Variants in STIM1 observed in about 807,000 individuals in gnomAD.
The protein encoded by STIM1 is stromal interaction molecule 1.
A neutral mutation model predicts 74.7 loss-of-function variants in STIM1; 25 were observed. The ratio of observed to expected loss-of-function variants is 0.33; its 90% CI spans 0.24 to 0.47. The LOEUF (loss-of-function observed/expected upper bound fraction) is 0.47, where lower values mean the gene tolerates loss of function less well. Among genes scored for constraint, STIM1 ranks in the 20% least tolerant of loss-of-function variants. The probability of loss-of-function intolerance (pLI) is 1.00; values close to 1 mark genes in which losing one functional copy is unlikely to be tolerated. For missense variants in STIM1, 728 were observed against 920.8 expected (o/e 0.79, Z 2.71); for synonymous variants, 328 against 348.8 (o/e 0.94, Z 0.66).
chr11:3,962,284 C>T (rs1590604321), intron 1 of STIM1, among the ~76,000 whole-genome samples: 1 of 152,128 alleles, frequency 6.6e-6, no homozygotes, highest in African/African-American at 2.4e-5. Context: ...AGGGACTCTC[C>T]ATGTCCCCCT....
chr11:3,969,575 G>A (rs1264431849), intron 2 of STIM1, among the ~76,000 whole-genome samples: 1 of 152,186 alleles, frequency 6.6e-6, no homozygotes, highest in Non-Finnish European at 1.5e-5. Context: ...AATGTTTAAG[G>A]AATTTAAAGG....
intron 1 of STIM1, among the ~76,000 whole-genome samples, chr11:3,908,320 A>G (rs919679648): frequency 2.6e-5 from 4 of 152,308 alleles, no homozygotes; most frequent in African/African-American, 7.2e-5. Context: ...GAATGGGGAA[A>G]GTTATTTGCT....
chr11:4,048,577 A>G (rs1471570926), intron 3 of STIM1, among the ~76,000 whole-genome samples: 3 of 152,224 alleles, frequency 2.0e-5, no homozygotes, highest in East Asian at 1.9e-4. Context: ...ACTTTGATTC[A>G]TGATCTCATT....
chr11:4,018,458 CAAAAAAAA>C (rs1157096857), intron 2 of STIM1, among the ~76,000 whole-genome samples: 1 of 20,536 alleles, frequency 4.9e-5, no homozygotes, highest in Non-Finnish European at 1.4e-4. Context: ...GACTCCGTCT[CAAAAAAAA>C]AAAAAAAAAA....
At chr11:4,024,719 C>T (rs1016736604) in intron 3 of STIM1, among the ~76,000 whole-genome samples, 1 of 152,176 alleles carries the variant, frequency 6.6e-6, no homozygotes, top group African/African-American at 2.4e-5. Flanking sequence ...ACTAGTCATA[C>T]CACTCTACTG....
intron 1 of STIM1, among the ~76,000 whole-genome samples, chr11:3,893,889 T>C (rs190230474): frequency 8.0e-4 from 122 of 152,316 alleles, no homozygotes; most frequent in African/African-American, 2.7e-3. Flanking sequence ...TCATGTTGAT[T>C]GATCTAAACC....
intron 2 of STIM1, among the ~76,000 whole-genome samples, chr11:3,988,635 A>T (rs1445900941): frequency 2.0e-5 from 3 of 152,176 alleles, no homozygotes; most frequent in Admixed American, 1.3e-4. Context: ...CTTTCACAGC[A>T]CAGTAACCAA....
intron 1 of STIM1, among the ~76,000 whole-genome samples, chr11:3,949,985 C>A (rs546429440): frequency 1.2e-3 from 187 of 152,304 alleles, no homozygotes; most frequent in African/African-American, 4.3e-3. Context: ...TCTCTGCCTT[C>A]CATTTCTAGA....
At chr11:3,997,019 T>C (rs901540169) in intron 2 of STIM1, among the ~76,000 whole-genome samples, 1 of 152,250 alleles carries the variant, frequency 6.6e-6, no homozygotes, top group African/African-American at 2.4e-5. Context: ...CAGACAGTAT[T>C]CTTTGGCTAG....
intron 1 of STIM1, among the ~76,000 whole-genome samples, chr11:3,919,895 T>C (rs2092696280): frequency 6.6e-6 from 1 of 152,116 alleles, no homozygotes. Context: ...CTGGACAACA[T>C]AGCAAGAATC....
intron 2 of STIM1, among the ~76,000 whole-genome samples, chr11:3,975,409 G>A (rs2093437488): frequency 6.6e-6 from 1 of 152,220 alleles, no homozygotes; most frequent in Non-Finnish European, 1.5e-5. Flanking sequence ...TTGAGGTCAG[G>A]AGTTTGAGAC....
intron 3 of STIM1, among the ~76,000 whole-genome samples, chr11:4,031,667 A>G (rs2094051535): frequency 6.6e-6 from 1 of 152,186 alleles, no homozygotes; most frequent in Non-Finnish European, 1.5e-5. Context: ...GTTTCCATTC[A>G]TATCTCTTTT....
rs570545579 is a variant in STIM1, at chr11:4,033,432, CA to C, written c.385+9446del. 6.6e-5 allele frequency among the ~76,000 whole-genome samples: 10 copies of C among 152,254 alleles called. No homozygotes were observed. The South Asian group carries it at 2.1e-3, about 32-fold the overall frequency. ...TAAACTCATTTAGTAGATTTCATCA[CA>C]TTTTTTTCCATAGACAGTCATGTTT... On this transcript the variant is annotated intron_variant, in intron 3 of 12. Coordinates refer to ENST00000526596, the MANE Select transcript of STIM1 (RefSeq NM_001382567.1).
intron 12 of STIM1, chr11:4,088,783 G>A (rs1216872859): frequency 5.2e-6 from 8 of 1,527,300 alleles, no homozygotes; most frequent in Non-Finnish European, 7.0e-6. Context: ...AGCCTTTGGG[G>A]AGGGACCTCT....
At chr11:3,866,374 G>A (rs1437021219) in intron 1 of STIM1, among the ~76,000 whole-genome samples, 1 of 151,610 alleles carries the variant, frequency 6.6e-6, no homozygotes. Context: ...ACTATCTGCA[G>A]TGCTCTCTGT....
rs931211319 is a variant in STIM1, at chr11:4,039,472, G to A, written c.385+15485G>A. The stretch of plus-strand genomic sequence containing the variant: ...CATGGTGGCGGGCACCTGTAATCAC[G>A]GCTACTCGGGAGGCTGAGGCAGATA... On this transcript the variant is annotated intron_variant, in intron 3 of 12. Coordinates refer to ENST00000526596, the MANE Select transcript of STIM1 (RefSeq NM_001382567.1). Among the ~76,000 whole-genome samples, 8 of 150,984 alleles carry A rather than the reference G, an allele frequency of 5.3e-5. No homozygotes were observed. In the East Asian group the frequency reaches 1.4e-3, roughly 26 times the overall value.
intron 2 of STIM1, among the ~76,000 whole-genome samples, chr11:4,006,792 G>T (rs1454498760): frequency 1.3e-5 from 2 of 152,154 alleles, no homozygotes; most frequent in Non-Finnish European, 2.9e-5. Context: ...GGGTTGGAGA[G>T]CAGCAGAGAA....
chr11:3,906,279 T>TTAGAAGACA (rs2092464368), intron 1 of STIM1, among the ~76,000 whole-genome samples: 2 of 152,216 alleles, frequency 1.3e-5, no homozygotes, highest in South Asian at 4.1e-4. Context: ...ACACTGAGAA[T>TTAGAAGACA]TAGAAGACAT....
chr11:3,973,110 C>T (rs1223143999), intron 2 of STIM1: 1 of 422,270 alleles, frequency 2.4e-6, no homozygotes, highest in Non-Finnish European at 4.7e-6. Context: ...GCCTCTGCTT[C>T]CTTCAGCGTA....
Sources: allele counts gnomAD v4.1 joint callset (sites outside exome capture counted in the v4.1 genomes callset), GRCh38; gene constraint gnomAD v4.1.1; transcripts MANE v1.5; gene names NCBI Gene and HGNC (gene_info 2026-07-23, HGNC 2026-07-21).